Variants in OGFOD3 observed in about 807,000 individuals in gnomAD.
The protein encoded by OGFOD3 is 2-oxoglutarate and iron-dependent oxygenase domain-containing protein 3.
Under a neutral mutation model 39.8 loss-of-function variants are expected in OGFOD3, and 35 were observed. The ratio of observed to expected loss-of-function variants is 0.88; its 90% confidence interval spans 0.67 to 1.17. The LOEUF (loss-of-function observed/expected upper bound fraction) is 1.17, where lower values mean the gene tolerates loss of function less well. OGFOD3 is among the 50% of genes most tolerant of loss of function. The pLI is 0.00. For synonymous variants in OGFOD3, 200 were observed against 192.0 expected (o/e 1.04, Z -0.34); for missense variants, 438 against 454.5 (o/e 0.96, Z 0.33).
chr17:82,392,537 G>C lies in OGFOD3; in HGVS notation c.824-3C>G, dbSNP rs368292614. The C allele has an allele frequency of 1.9e-6, 3 of 1,582,214 alleles. No homozygotes were observed. The highest frequency in any genetic ancestry group is 1.3e-5 in the African/African-American group (1 of 74,242). ...CGAGGTGAAGAAGGAGACGCGACCTGGGAGAGGAGAAGAGAGAGAGGTGGC... is the reference window on the plus strand; with the variant it reads ...CGAGGTGAAGAAGGAGACGCGACCTCGGAGAGGAGAAGAGAGAGAGGTGGC... On this transcript the variant is annotated splice_polypyrimidine_tract_variant and splice_region_variant and intron_variant, in intron 8 of 8. Transcript: ENST00000313056. This position sits in a 1 kb window ranked among gnomAD's most constrained non-coding sequence, Gnocchi z 4.2.
chr17:82,405,028 C>G (rs959928516), intron 6 of OGFOD3, among the ~76,000 whole-genome samples: 7 of 152,056 alleles, frequency 4.6e-5, no homozygotes, highest in Admixed American at 2.0e-4. Context: ...GCATGAGACA[C>G]CGCACCCAGC....
Position 82,398,289 on chromosome 17 carries a change from G to T in OGFOD3, c.730C>A (p.Leu244Met). Reference protein sequence around the residue: ...VTYGSFDYTSLLYLSNYLEDF... With the variant: ...VTYGSFDYTSMLYLSNYLEDF... ...TCCAGGTAGTTGGAGAGGTACAGCA[G>T]CGAGGTGTAGTCGAAGGAGCCGTAG... is the stretch of plus-strand genomic sequence containing the variant. The change falls in exon 8 of 9, where the codon CTG (leucine) becomes ATG (methionine). Residue 244 changes from leucine to methionine, a missense_variant. Transcript: ENST00000313056. The T allele has an allele frequency of 6.2e-7, 1 of 1,614,198 alleles. No homozygotes were observed.
chr17:82,394,612 C>A, intron 8 of OGFOD3: 1 of 1,284,720 alleles, frequency 7.8e-7, no homozygotes. Flanking sequence ...GCACACCCTA[C>A]ACCCTCCAGA....
rs1397279060 is a variant in OGFOD3 at position 82,398,113 on chromosome 17, CG to C, written c.823+82del. The C allele has an allele frequency of 3.0e-5, 47 of 1,546,126 alleles. No individual in the cohort carries two copies. In the Admixed American group the frequency reaches 8.0e-4, roughly 26 times the overall value. On this transcript the variant is annotated intron_variant, in intron 8 of 8. Transcript: ENST00000313056. ...AGCAGATGCTCCGTGAACTCAGCCT[CG>C]CTCCCAGGGACACGCCCCCCACACC...
chr17:82,409,131 A>G (rs1281128164), intron 4 of OGFOD3, among the ~76,000 whole-genome samples: 1 of 152,180 alleles, frequency 6.6e-6, no homozygotes, highest in African/African-American at 2.4e-5. Flanking sequence ...AGGCCGTGAC[A>G]TGCCATGAAT....
At position 82,398,138 on chromosome 17, in the gene OGFOD3, C is replaced by T. The variant is rs555720592; in HGVS notation, c.823+58G>A. On this transcript the variant is annotated intron_variant, in intron 8 of 8. Transcript: ENST00000313056. Reference sequence around the variant, plus strand: ...CGCTCCCAGGGACACGCCCCCCACACCCACCGTGCTTGCCTGAGCCAGGAG... The same window carrying T: ...CGCTCCCAGGGACACGCCCCCCACATCCACCGTGCTTGCCTGAGCCAGGAG... 1.9e-5 allele frequency: 31 copies of T among 1,607,466 alleles called. No individual in the cohort carries two copies. The East Asian group carries it at 6.2e-4, about 32-fold the overall frequency.
intron 8 of OGFOD3, among the ~76,000 whole-genome samples, chr17:82,397,422 A>AGGG (rs2052693233): frequency 3.5e-5 from 1 of 28,302 alleles, no homozygotes; most frequent in African/African-American, 1.2e-4. Flanking sequence ...GGGTGAGGGC[A>AGGG]GTGCCCTGGG....
intron 2 of OGFOD3, among the ~76,000 whole-genome samples, chr17:82,412,379 TCGGGG>T (rs2052962877): frequency 9.5e-6 from 1 of 105,486 alleles, no homozygotes; most frequent in Admixed American, 9.1e-5. Flanking sequence ...GGCATGGTTA[TCGGGG>T]CAGGGGCATG....
At chr17:82,412,453 TGGTTATCGGGGCAGGGGCAA>T (rs2052965643) in intron 2 of OGFOD3, among the ~76,000 whole-genome samples, 2 of 104,744 alleles carry the variant, frequency 1.9e-5, no homozygotes, top group African/African-American at 7.5e-5. Context: ...GGCAGGGGCA[TGGTTATCGGGGCAGGGGCAA>T]GGTCGTTTGG....
rs183719985 is a variant in OGFOD3, at chr17:82,407,466, G to A, written c.424-984C>T. Reference sequence around the variant, plus strand: ...GTGCTCCCACCTTGGCCTCCTGGGCGGCTGGCACCACAGTGCGCGCCACGC... The same window carrying A: ...GTGCTCCCACCTTGGCCTCCTGGGCAGCTGGCACCACAGTGCGCGCCACGC... On this transcript the variant is annotated intron_variant, in intron 4 of 8. Coordinates refer to ENST00000313056, the MANE Select transcript of OGFOD3 (RefSeq NM_024648.3). 1.3e-3 allele frequency among the ~76,000 whole-genome samples: 199 copies of A among 152,286 alleles called. No homozygotes were observed. The Middle Eastern group carries it at 0.014, about 10-fold the overall frequency.
chr17:82,394,355 C>A, intron 8 of OGFOD3: 1 of 1,572,650 alleles, frequency 6.4e-7, no homozygotes, highest in Admixed American at 1.8e-5. Flanking sequence ...CAGGACTCAG[C>A]ACGGCAACCA....
intron 3 of OGFOD3, 53 bp downstream of exon 3, chr17:82,411,402 C>A (rs2052940010): frequency 6.6e-7 from 1 of 1,510,304 alleles, no homozygotes; most frequent in Admixed American, 1.7e-5. Context: ...CGCCCTAGCC[C>A]CACTCCGCGT....
At chr17:82,403,018 C>T (rs1309206934) in intron 7 of OGFOD3, among the ~76,000 whole-genome samples, 1 of 152,206 alleles carries the variant, frequency 6.6e-6, no homozygotes, top group African/African-American at 2.4e-5. Flanking sequence ...CATGACTGCA[C>T]ACCTGCACTC....
intron 7 of OGFOD3, among the ~76,000 whole-genome samples, chr17:82,400,485 A>C (rs1370830681): frequency 6.6e-6 from 1 of 152,196 alleles, no homozygotes; most frequent in African/African-American, 2.4e-5. Context: ...AAGAAGGAAC[A>C]ATTGCCAAAA....
intron 3 of OGFOD3, among the ~76,000 whole-genome samples, chr17:82,410,827 T>C (rs1261615971): frequency 6.9e-6 from 1 of 145,342 alleles, no homozygotes; most frequent in East Asian, 2.1e-4. Context: ...CAAGCAATTC[T>C]CCTGTCTCAG....
rs948058025 is a variant in OGFOD3, at chr17:82,406,055, C to T, written c.488+363G>A. On this transcript the variant is annotated intron_variant, in intron 5 of 8. Coordinates refer to ENST00000313056, the MANE Select transcript of OGFOD3 (RefSeq NM_024648.3). This position sits in a 1 kb window ranked among gnomAD's most constrained non-coding sequence, Gnocchi z 5.2. ...CGCAGGGAGGGTCTCTTTGCTCTCC[C>T]GGCCCCTCATGGAGCGTCAAAGGCC... 3.3e-5 allele frequency among the ~76,000 whole-genome samples: 5 copies of T among 152,306 alleles called. No homozygotes were observed. Among genetic ancestry groups the T allele is most frequent in the South Asian group, 2.1e-4 (1 of 4,826 alleles).
intron 3 of OGFOD3, among the ~76,000 whole-genome samples, chr17:82,409,648 GCAC>G (rs1181205926): frequency 6.6e-6 from 1 of 152,222 alleles, no homozygotes; most frequent in African/African-American, 2.4e-5. Context: ...CTGGGCTTCA[GCAC>G]CTTGGGAGGC....
At chr17:82,407,854 G>A (rs1464374336) in intron 4 of OGFOD3, among the ~76,000 whole-genome samples, 2 of 152,144 alleles carry the variant, frequency 1.3e-5, no homozygotes, top group African/African-American at 2.4e-5. Context: ...ATAAAGGGAG[G>A]AACTTAGGCC....
At chr17:82,405,931 G>A (rs968697480) in intron 5 of OGFOD3, among the ~76,000 whole-genome samples, 2 of 152,142 alleles carry the variant, frequency 1.3e-5, no homozygotes, top group African/African-American at 4.8e-5. Flanking sequence ...CTAGGCGACA[G>A]AGCAAGATTC....
Sources: allele counts gnomAD v4.1 joint callset (sites outside exome capture counted in the v4.1 genomes callset), GRCh38; gene constraint gnomAD v4.1.1; non-coding constraint Gnocchi (gnomAD v3.1); transcripts MANE v1.5; gene names NCBI Gene and HGNC (gene_info 2026-07-23, HGNC 2026-07-21).